APLF: variants seen among roughly 807,000 people sequenced by gnomAD.
APLF encodes aprataxin and PNKP like factor.
A neutral mutation model predicts 55.6 loss-of-function variants in APLF; 61 were observed. That is an observed-to-expected ratio of 1.10 (90% CI 0.89 to 1.36). APLF has a LOEUF of 1.36. Ranked by LOEUF, APLF falls within the 40% of genes most tolerant of loss-of-function variation. APLF has a pLI of 0.00. For synonymous variants in APLF, 207 were observed against 214.8 expected (o/e 0.96, Z 0.32); for missense variants, 611 against 602.5 (o/e 1.01, Z -0.15).
intron 5 of APLF, among the ~76,000 whole-genome samples, chr2:68,517,478 T>C (rs1435144558): frequency 7.1e-6 from 1 of 140,158 alleles, no homozygotes; most frequent in South Asian, 2.3e-4. Flanking sequence ...ATGTTATTAC[T>C]ATATATTAAT....
At chr2:68,513,760 A>C in intron 5 of APLF, 80 bp downstream of exon 5, 1 of 1,495,958 alleles carries the variant, frequency 6.7e-7, no homozygotes, top group Non-Finnish European at 9.1e-7. Flanking sequence ...GAAAAACTAT[A>C]AACTAGTTCT....
At chr2:68,506,266 A>G (rs1217600785) in intron 3 of APLF, among the ~76,000 whole-genome samples, 1 of 129,272 alleles carries the variant, frequency 7.7e-6, no homozygotes, top group Non-Finnish European at 1.5e-5. Context: ...ATTAGAAGCC[A>G]TGAGGGGAGG....
intron 9 of APLF, chr2:68,568,361 A>G: frequency 6.3e-6 from 6 of 952,546 alleles, no homozygotes; most frequent in Non-Finnish European, 7.5e-6. Context: ...GTAAGTGATG[A>G]AAGTAAATGA....
intron 3 of APLF, among the ~76,000 whole-genome samples, chr2:68,512,847 C>A (rs1669428282): frequency 6.6e-6 from 1 of 151,534 alleles, no homozygotes; most frequent in Non-Finnish European, 1.5e-5. Context: ...CCACACATCT[C>A]AAAAATAATT....
intron 9 of APLF, among the ~76,000 whole-genome samples, chr2:68,573,253 C>A (rs1671533615): frequency 6.6e-6 from 1 of 152,198 alleles, no homozygotes; most frequent in African/African-American, 2.4e-5. Flanking sequence ...CTGTCAATCC[C>A]TGTCCACATT....
rs1157315849 is a variant in APLF, at chr2:68,502,767, A to G, written c.205A>G (p.Lys69Glu). 10 of 1,577,918 alleles carry G rather than the reference A, an allele frequency of 6.3e-6. No individual in the cohort carries two copies. In the East Asian group the frequency reaches 2.3e-4, roughly 37 times the overall value. Residue 69 changes from lysine to glutamate, a missense_variant, in exon 3 of 10, where the codon AAG (lysine) becomes GAG (glutamate). By Grantham distance (56) the Lys-to-Glu change is moderately conservative (BLOSUM62 1). Transcript: ENST00000303795. The stretch of plus-strand genomic sequence containing the variant: ...TCCATGTTTTTACCAGTCTTCAGAG[A>G]AGAGTCAGCTCTTACCATTGAAGCC... ...TNPCFYQSSE[K>E]SQLLPLKPNL...
At position 68,578,438 on chromosome 2, in the gene APLF, A is replaced by G. The variant is rs925498761; in HGVS notation, c.*416A>G. 2.0e-6 allele frequency: 2 copies of G among 989,482 alleles called. No homozygotes were observed. The highest frequency in any genetic ancestry group is 3.5e-5 in the African/African-American group (2 of 57,250). 61.3% of individuals were successfully genotyped at this position (989,482 alleles called of 1,614,324 possible). A position where few individuals can be genotyped will look rare whatever the true frequency, so the allele number is the denominator to read the frequency against. ...ACATGCCTCTTTTCATTGTTACTGA[A>G]GTAATTCTGTAAGCAGAACCAGGCT... On this transcript the variant is annotated 3_prime_UTR_variant, in exon 10 of 10. Coordinates refer to ENST00000303795, the MANE Select transcript of APLF (RefSeq NM_173545.3).
At chr2:68,499,935 T>C (rs1438855821) in intron 2 of APLF, among the ~76,000 whole-genome samples, 1 of 152,226 alleles carries the variant, frequency 6.6e-6, no homozygotes, top group Non-Finnish European at 1.5e-5. Context: ...TAGGTAATTG[T>C]CTCTTTTGGC....
At chr2:68,470,337 G>A (rs1202661002) in intron 1 of APLF, among the ~76,000 whole-genome samples, 1 of 152,188 alleles carries the variant, frequency 6.6e-6, no homozygotes, top group Admixed American at 6.5e-5. Flanking sequence ...GAAGGGAATG[G>A]ATATGGCTAT....
chr2:68,513,084 A>G lies in APLF; in HGVS notation c.346A>G (p.Ser116Gly), dbSNP rs1291475973. 7 of 1,601,268 alleles carry G rather than the reference A, an allele frequency of 4.4e-6. No homozygotes were observed. The highest frequency in any genetic ancestry group is 3.5e-5 in the Admixed American group (2 of 57,468). ...AGTTTCTATTTTATCTTATAGAAAC[A>G]GTCAAGTGCTTGATGAAGATAATAT... ...EVEMQCTLRNSQVLDEDNILN... is the reference protein window; with the variant it reads ...EVEMQCTLRNGQVLDEDNILN... The change falls in exon 4 of 10, where the codon AGT becomes GGT. Residue 116 changes from serine to glycine, a missense_variant. Physicochemically the swap from Ser to Gly is moderately conservative, Grantham distance 56 (BLOSUM62 0). Coordinates refer to ENST00000303795, the MANE Select transcript of APLF (RefSeq NM_173545.3).
At position 68,573,257 on chromosome 2, in the gene APLF, CCA is replaced by C. The variant is rs570394454; in HGVS notation, c.1334-4560_1334-4559del. The stretch of plus-strand genomic sequence containing the variant: ...AAGTAGTCAAGCTGTCAATCCCTGT[CCA>C]CATTTCATTTTACTTCACTGATTTG... On this transcript the variant is annotated intron_variant, in intron 9 of 9. Coordinates refer to ENST00000303795, the MANE Select transcript of APLF (RefSeq NM_173545.3). Among the ~76,000 whole-genome samples, 8 of 152,276 alleles carry C rather than the reference CCA, an allele frequency of 5.3e-5. No individual in the cohort carries two copies. In the East Asian group the frequency reaches 1.5e-3, roughly 29 times the overall value.
chr2:68,512,954 A>G, intron 3 of APLF, 126 bp from the exon 4 acceptor site: 1 of 701,626 alleles, frequency 1.4e-6, no homozygotes, highest in Non-Finnish European at 2.4e-6. Flanking sequence ...ATATTCTAGT[A>G]TACTATAATC....
At chr2:68,536,115 G>T (rs1670377192) in intron 6 of APLF, among the ~76,000 whole-genome samples, 1 of 152,206 alleles carries the variant, frequency 6.6e-6, no homozygotes, top group South Asian at 2.1e-4. Context: ...GAGAGTTCCA[G>T]TTGCTGGTAC....
At chr2:68,518,184 AAT>A (rs1446943698) in intron 5 of APLF, among the ~76,000 whole-genome samples, 4 of 123,672 alleles carry the variant, frequency 3.2e-5, no homozygotes, top group Non-Finnish European at 4.7e-5. Flanking sequence ...ATATATTATC[AAT>A]ATATATTACT....
intron 1 of APLF, among the ~76,000 whole-genome samples, chr2:68,470,078 A>G (rs896596440): frequency 6.6e-6 from 1 of 152,200 alleles, no homozygotes; most frequent in African/African-American, 2.4e-5. Flanking sequence ...CTTTGCTTTC[A>G]TGTGAGTCAT....
intron 1 of APLF, among the ~76,000 whole-genome samples, chr2:68,473,090 C>G (rs898096039): frequency 3.9e-5 from 6 of 152,160 alleles, no homozygotes; most frequent in African/African-American, 1.2e-4. Context: ...TGGGTTTTGA[C>G]AAATGTATAA....
intron 2 of APLF, among the ~76,000 whole-genome samples, chr2:68,500,854 A>G (rs1363307413): frequency 2.0e-5 from 3 of 152,176 alleles, no homozygotes; most frequent in Non-Finnish European, 2.9e-5. Context: ...GAGCCTGTCA[A>G]TTTGTCATGT....
At chr2:68,547,545 T>C (rs1670740852) in intron 8 of APLF, among the ~76,000 whole-genome samples, 1 of 151,708 alleles carries the variant, frequency 6.6e-6, no homozygotes, top group Admixed American at 6.6e-5. Flanking sequence ...CAAAATAGGC[T>C]TATATATGTA....
At chr2:68,490,810 A>C (rs1173348063) in intron 2 of APLF, among the ~76,000 whole-genome samples, 1 of 152,216 alleles carries the variant, frequency 6.6e-6, no homozygotes, top group African/African-American at 2.4e-5. Context: ...GCCAGTTTCC[A>C]AGAATATACA....
Sources: gnomAD v4.1 joint callset for allele counts (sites outside exome capture counted in the v4.1 genomes callset) on GRCh38, gnomAD v4.1.1 for gene constraint, MANE v1.5 for transcripts, NCBI Gene and HGNC (gene_info 2026-07-23, HGNC 2026-07-21) for gene names.